Variants in ZNF724 observed in about 807,000 individuals in gnomAD.
ZNF724 encodes zinc finger protein 724 pseudogene.
ZNF724 carries 14 observed loss-of-function variants against 29.3 expected under a neutral mutation model. The ratio of observed to expected loss-of-function variants is 0.48; its 90% confidence interval spans 0.32 to 0.75. ZNF724 has a LOEUF of 0.75. Among genes scored for constraint, ZNF724 ranks in the 30% least tolerant of loss-of-function variants. The pLI, the probability that ZNF724 is intolerant of heterozygous loss-of-function variation, is 0.04. For missense variants in ZNF724, 557 were observed against 571.2 expected, an observed-to-expected ratio of 0.98 and a Z score of 0.25; for synonymous variants, 180 against 193.6, an observed-to-expected ratio of 0.93 and a Z score of 0.58.
intron 1 of ZNF724, among the ~76,000 whole-genome samples, chr19:23,238,458 G>C (rs1972060401): frequency 6.6e-6 from 1 of 152,098 alleles, no homozygotes; most frequent in Admixed American, 6.6e-5. Flanking sequence ...AATGACAAAA[G>C]GTTTCTTTAG....
chr19:23,224,363 A>G (rs949362620), intron 3 of ZNF724, among the ~76,000 whole-genome samples: 6 of 152,108 alleles, frequency 3.9e-5, no homozygotes, highest in Admixed American at 2.6e-4. Context: ...CAGTGAGCTG[A>G]TATCACACCA....
At chr19:23,244,367 T>A (rs1972199312) in intron 1 of ZNF724, among the ~76,000 whole-genome samples, 1 of 151,782 alleles carries the variant, frequency 6.6e-6, no homozygotes, top group African/African-American at 2.4e-5. Context: ...CTGAGAGGGG[T>A]GTGGATGCAT....
rs531339018 is a variant in ZNF724, at chr19:23,242,970, C to T, written c.3+7270G>A. On this transcript the variant is annotated intron_variant, in intron 1 of 3. Transcript: ENST00000418100. ...AGGAGAATAGCTTGAACTCGGAAGG[C>T]GGAAGTTGCAGTGAGCCAAGATCGT... 2.9e-5 allele frequency among the ~76,000 whole-genome samples: 4 copies of T among 138,962 alleles called. No homozygotes were observed. In the East Asian group the frequency reaches 6.5e-4, roughly 23 times the overall value. The allele number at this position is 138,962 out of a possible 152,430, so 91.2% of individuals were successfully genotyped here.
intron 3 of ZNF724, 82 bp from the exon 4 acceptor site, chr19:23,224,100 A>G (rs1265912936): frequency 1.7e-6 from 1 of 578,188 alleles, no homozygotes; most frequent in East Asian, 2.8e-5. Context: ...ACAAAACTAT[A>G]CAAACTACAT....
intron 1 of ZNF724, among the ~76,000 whole-genome samples, chr19:23,241,079 A>G (rs1972116314): frequency 6.6e-6 from 1 of 152,016 alleles, no homozygotes; most frequent in Non-Finnish European, 1.5e-5. Context: ...CAGAGACATT[A>G]CCTCTGACCC....
chr19:23,227,571 C>CAAAAAAAAACA (rs1568339539), intron 3 of ZNF724, among the ~76,000 whole-genome samples: 56 of 118,996 alleles, frequency 4.7e-4, no homozygotes, highest in South Asian at 1.4e-3. Context: ...AAAAAAAAAA[C>CAAAAAAAAACA]AAAAAAAAAC....
At chr19:23,232,381 C>T in intron 1 of ZNF724, 88 bp from the exon 2 acceptor site, 2 of 713,060 alleles carry the variant, frequency 2.8e-6, no homozygotes, top group Non-Finnish European at 2.5e-6. Flanking sequence ...CTAAGGAGTA[C>T]TCATTCTGAC....
chr19:23,248,605 T>C, intron 1 of ZNF724, among the ~76,000 whole-genome samples: 1 of 150,466 alleles, frequency 6.6e-6, no homozygotes. Flanking sequence ...TGTAAATTAC[T>C]ACATTAGAGG....
chr19:23,223,717 G>A lies in ZNF724; in HGVS notation c.528C>T (p.Gly176=). The change falls in exon 4 of 4, where the codon GGC becomes GGT. Residue 176 remains glycine (G), a synonymous_variant. Transcript: ENST00000418100. Reference sequence around the variant, plus strand: ...GGTGTGAAAGAACACAAAATGACTTGCCACATTCTTTACATTTGAAAGGAT... The same window carrying A: ...GGTGTGAAAGAACACAAAATGACTTACCACATTCTTTACATTTGAAAGGAT... ...EKNPFKCKEC[G]KSFCVLSHLT... The A allele has an allele frequency of 1.4e-6, 1 of 722,584 alleles. No homozygotes were observed. Among genetic ancestry groups the A allele is most frequent in the East Asian group, 2.7e-5 (1 of 37,400 alleles). The allele number at this position is 722,584 out of a possible 1,614,324, so 44.8% of individuals were successfully genotyped here.
chr19:23,248,581 A>ATT (rs34343272), intron 1 of ZNF724, among the ~76,000 whole-genome samples: 106 of 144,630 alleles, frequency 7.3e-4, no homozygotes, highest in African/African-American at 1.1e-3. Flanking sequence ...ACTCAAATGC[A>ATT]TTTTTTTTTT....
chr19:23,224,060 T>A (rs747489741), intron 3 of ZNF724, 42 bp from the exon 4 acceptor site: 2 of 611,640 alleles, frequency 3.3e-6, no homozygotes, highest in Non-Finnish European at 5.8e-6. Flanking sequence ...CATACTAGAC[T>A]CAGATACATA....
At chr19:23,237,533 A>G (rs1378491062) in intron 1 of ZNF724, among the ~76,000 whole-genome samples, 1 of 152,132 alleles carries the variant, frequency 6.6e-6, no homozygotes, top group Non-Finnish European at 1.5e-5. Flanking sequence ...TTTCAAAAGT[A>G]TGACGAATAT....
At chr19:23,240,568 G>A (rs1244314920) in intron 1 of ZNF724, among the ~76,000 whole-genome samples, 3 of 152,092 alleles carry the variant, frequency 2.0e-5, no homozygotes, top group Non-Finnish European at 2.9e-5. Context: ...TTTAAGGAAA[G>A]TGGTAGATGC....
chr19:23,237,610 A>G (rs1343145232), intron 1 of ZNF724, among the ~76,000 whole-genome samples: 2 of 151,840 alleles, frequency 1.3e-5, no homozygotes, highest in South Asian at 2.1e-4. Context: ...TGTAGAAAAT[A>G]CCGTATAATT....
In ZNF724 at chr19:23,222,183, A is replaced by ATCAAGTT. The variant is rs1277233523; in HGVS notation, c.*201_*202insAACTTGA. ...TACTATATTTTACCTACAATCAAGTATGACAACCATTTAAAGGTGTTTAGA... is the reference window on the plus strand; with the variant it reads ...TACTATATTTTACCTACAATCAAGTATCAAGTTTGACAACCATTTAAAGGTGTTTAGA... On this transcript the variant is annotated 3_prime_UTR_variant, in exon 4 of 4. Coordinates refer to ENST00000418100, the MANE Select transcript of ZNF724 (RefSeq NM_001355404.2). 1.6e-5 allele frequency: 8 copies of ATCAAGTT among 505,168 alleles called. No individual in the cohort carries two copies. The highest frequency in any genetic ancestry group is 1.1e-4 in the Admixed American group (3 of 28,156). 31.3% of individuals were successfully genotyped at this position (505,168 alleles called of 1,614,324 possible).
At chr19:23,235,009 T>C (rs1056539588) in intron 1 of ZNF724, among the ~76,000 whole-genome samples, 2 of 152,096 alleles carry the variant, frequency 1.3e-5, no homozygotes, top group African/African-American at 4.8e-5. Flanking sequence ...TCTCCATCTT[T>C]AAGTATCATA....
Position 23,222,889 on chromosome 19 carries a change from A to G in ZNF724, c.1356T>C (p.Cys452=), listed in dbSNP as rs549204214. 2 of 1,403,646 alleles carry G rather than the reference A, an allele frequency of 1.4e-6. No individual in the cohort carries two copies. Among genetic ancestry groups the G allele is most frequent in the African/African-American group, 2.8e-5 (2 of 70,770 alleles). The allele number at this position is 1,403,646 out of a possible 1,614,324, so 86.9% of individuals were successfully genotyped here. A position where few individuals can be genotyped will look rare whatever the true frequency, so the allele number is the denominator to read the frequency against. Residue 452 remains cysteine (C), a synonymous_variant, in exon 4 of 4, where the codon TGT becomes TGC. Coordinates refer to ENST00000418100, the MANE Select transcript of ZNF724 (RefSeq NM_001355404.2). ...IIHTGEKPYK[C]KECGKAFKRS... is the part of the protein sequence containing the mutation. The stretch of plus-strand genomic sequence containing the variant: ...GCTTAAAAGCTTTGCCACATTCTTT[A>G]CATTTGTAGGGTTTCTCTCCAGTAT...
chr19:23,247,065 A>G (rs1972251357), intron 1 of ZNF724, among the ~76,000 whole-genome samples: 1 of 152,154 alleles, frequency 6.6e-6, no homozygotes, highest in Non-Finnish European at 1.5e-5. Flanking sequence ...TCTACTAAAA[A>G]TACAAAAATT....
chr19:23,247,717 A>G (rs1972266787), intron 1 of ZNF724, among the ~76,000 whole-genome samples: 1 of 152,226 alleles, frequency 6.6e-6, no homozygotes, highest in Non-Finnish European at 1.5e-5. Flanking sequence ...TCCAGCTGGC[A>G]GAAATTATTT....
Sources: gnomAD v4.1 joint callset for allele counts (sites outside exome capture counted in the v4.1 genomes callset) on GRCh38, gnomAD v4.1.1 for gene constraint, MANE v1.5 for transcripts, NCBI Gene and HGNC (gene_info 2026-07-23, HGNC 2026-07-21) for gene names.